The following FNDC3B variants were observed in gnomAD, a reference collection of about 807,000 sequenced individuals.
FNDC3B encodes the protein fibronectin type III domain-containing protein 3B.
In FNDC3B, 12 loss-of-function variants were observed where a neutral mutation model predicts 151.5. That is an observed-to-expected ratio of 0.08 (90% CI 0.05 to 0.13). FNDC3B has a LOEUF of 0.13. Ranked by LOEUF, FNDC3B falls within the 10% of genes least tolerant of loss-of-function variation. FNDC3B has a pLI of 1.00. For missense variants in FNDC3B, 1,214 were observed against 1,505.3 expected (o/e 0.81, Z 3.20); for synonymous variants, 528 against 549.0 (o/e 0.96, Z 0.54).
At chr3:172,238,620 A>G (rs1727291716) in intron 4 of FNDC3B, among the ~76,000 whole-genome samples, 2 of 152,094 alleles carry the variant, frequency 1.3e-5, no homozygotes, top group Non-Finnish European at 2.9e-5. Context: ...CACAAGGGGG[A>G]TTGGCTAGGG....
chr3:172,115,721 C>T (rs1399183582), intron 2 of FNDC3B, among the ~76,000 whole-genome samples: 1 of 152,150 alleles, frequency 6.6e-6, no homozygotes, highest in Non-Finnish European at 1.5e-5. Flanking sequence ...GTATGTGGCA[C>T]CTCAGCCACC....
chr3:172,220,616 C>A (rs972569207), intron 3 of FNDC3B, among the ~76,000 whole-genome samples: 17 of 152,006 alleles, frequency 1.1e-4, no homozygotes, highest in African/African-American at 3.9e-4. Flanking sequence ...CTTCTGTTTT[C>A]TTCTAAGAGT....
At chr3:172,134,256 T>C in intron 3 of FNDC3B, 1 of 462,854 alleles carries the variant, frequency 2.2e-6, no homozygotes, top group South Asian at 1.5e-5. Context: ...TAATGCCTCT[T>C]CTGTATAGTT....
At chr3:172,293,235 A>G (rs1730432171) in intron 7 of FNDC3B, among the ~76,000 whole-genome samples, 1 of 152,108 alleles carries the variant, frequency 6.6e-6, no homozygotes, top group Non-Finnish European at 1.5e-5. Flanking sequence ...AGGAAGTAGG[A>G]GAGTTAAAAG....
intron 3 of FNDC3B, among the ~76,000 whole-genome samples, chr3:172,198,046 A>T (rs1021304534): frequency 6.6e-6 from 1 of 152,240 alleles, no homozygotes; most frequent in Admixed American, 6.5e-5. Context: ...TCAATGGGTT[A>T]TATATAATAC....
At chr3:172,214,495 C>T (rs866523992) in intron 3 of FNDC3B, among the ~76,000 whole-genome samples, 2 of 151,944 alleles carry the variant, frequency 1.3e-5, no homozygotes, top group Non-Finnish European at 2.9e-5. Context: ...GAGTGAGCAG[C>T]CTTCTAGATT....
intron 7 of FNDC3B, among the ~76,000 whole-genome samples, chr3:172,289,439 G>A (rs1338249649): frequency 6.6e-6 from 1 of 151,966 alleles, no homozygotes; most frequent in African/African-American, 2.4e-5. Context: ...AGGTTCCAAG[G>A]ACTAGGATGT....
At chr3:172,095,105 A>G (rs1335298446) in intron 1 of FNDC3B, among the ~76,000 whole-genome samples, 1 of 152,172 alleles carries the variant, frequency 6.6e-6, no homozygotes, top group Non-Finnish European at 1.5e-5. Flanking sequence ...ACTCAGACAC[A>G]GTTCTGTCTA....
chr3:172,305,815 A>G (rs758229795), intron 9 of FNDC3B, among the ~76,000 whole-genome samples: 19 of 152,198 alleles, frequency 1.2e-4, no homozygotes, highest in Admixed American at 1.0e-3. Context: ...TGATTCATTT[A>G]AAGTAACTTA....
chr3:172,164,955 G>A (rs548603518), intron 3 of FNDC3B, among the ~76,000 whole-genome samples: 7 of 152,244 alleles, frequency 4.6e-5, no homozygotes, highest in Admixed American at 1.3e-4. Context: ...TTAGCAACAC[G>A]TGCTCACCTT....
rs770927068 is a variant in FNDC3B, at chr3:172,112,439, G to C, written c.-28-13G>C. On this transcript the variant is annotated splice_polypyrimidine_tract_variant and intron_variant, in intron 1 of 25. Coordinates refer to ENST00000415807, the MANE Select transcript of FNDC3B (RefSeq NM_022763.4). Reference sequence around the variant, plus strand: ...TTCTGAGTCCTTTTTAAAAAGCGGCGGTTCTCTTGCAGGAAGCCAGTTGAG... The same window carrying C: ...TTCTGAGTCCTTTTTAAAAAGCGGCCGTTCTCTTGCAGGAAGCCAGTTGAG... 13 of 1,405,868 alleles carry C rather than the reference G, an allele frequency of 9.2e-6. No individual in the cohort carries two copies. Among genetic ancestry groups the C allele is most frequent in the Non-Finnish European group, 1.2e-5 (12 of 990,116 alleles). The allele number at this position is 1,405,868 out of a possible 1,614,324, so 87.1% of individuals were successfully genotyped here. A position where few individuals can be genotyped will look rare whatever the true frequency, so the allele number is the denominator to read the frequency against.
intron 1 of FNDC3B, among the ~76,000 whole-genome samples, chr3:172,064,413 TA>T (rs1416249848): frequency 2.0e-5 from 3 of 152,256 alleles, no homozygotes; most frequent in Non-Finnish European, 4.4e-5. Context: ...TATTTTTATT[TA>T]TAATCTATCT....
chr3:172,289,818 C>T (rs556900716), intron 7 of FNDC3B, among the ~76,000 whole-genome samples: 1 of 152,328 alleles, frequency 6.6e-6, no homozygotes, highest in South Asian at 2.1e-4. Flanking sequence ...CAATCTGGCA[C>T]TCTGGGTTGG....
In FNDC3B at chr3:172,337,326, C is replaced by G. The variant is rs1322245440; in HGVS notation, c.1781-4C>G. 1 of 1,592,298 alleles carries G rather than the reference C, an allele frequency of 6.3e-7. No homozygotes were observed. The highest frequency in any genetic ancestry group is 1.3e-5 in the African/African-American group (1 of 74,186). On this transcript the variant is annotated splice_polypyrimidine_tract_variant and splice_region_variant and intron_variant, in intron 15 of 25. Transcript: ENST00000415807. Reference sequence around the variant, plus strand: ...TGCTAATAAGACATTTGGTTATTTTCCAGATCCCCCTAAGGACAATGGTGG... The same window carrying G: ...TGCTAATAAGACATTTGGTTATTTTGCAGATCCCCCTAAGGACAATGGTGG...
rs141142223 is a variant in FNDC3B, at chr3:172,207,559, G to C, written c.188-19312G>C. 4.0e-3 allele frequency among the ~76,000 whole-genome samples: 616 copies of C among 152,278 alleles called. 3 individuals are homozygous for C. The highest frequency in any genetic ancestry group is 0.014 in the African/African-American group (583 of 41,548). On this transcript the variant is annotated intron_variant, in intron 3 of 25. Coordinates refer to ENST00000415807, the MANE Select transcript of FNDC3B (RefSeq NM_022763.4). Reference sequence around the variant, plus strand: ...GCTGAGGTTTTATTGAGGTTTACCTGGGCTCAGGAGGGAGGACAGGTGTGC... The same window carrying C: ...GCTGAGGTTTTATTGAGGTTTACCTCGGCTCAGGAGGGAGGACAGGTGTGC...
rs570786464 is a variant in FNDC3B at position 172,374,626 on chromosome 3, C to A, written c.3009-3644C>A. 2.2e-4 allele frequency among the ~76,000 whole-genome samples: 33 copies of A among 152,254 alleles called. No individual in the cohort carries two copies. In the East Asian group the frequency reaches 6.0e-3, roughly 28 times the overall value. On this transcript the variant is annotated intron_variant, in intron 23 of 25. Coordinates refer to ENST00000415807, the MANE Select transcript of FNDC3B (RefSeq NM_022763.4). ...GCCAGGCTGGTCTCGAAATCCTGAC[C>A]TTGTGATCCGCCCGCCTCGGCCTCC...
intron 22 of FNDC3B, among the ~76,000 whole-genome samples, chr3:172,355,502 T>G (rs1211087146): frequency 7.3e-6 from 1 of 137,224 alleles, no homozygotes; most frequent in Non-Finnish European, 1.6e-5. Flanking sequence ...CAAACCTACT[T>G]AATTAGAAAA....
At chr3:172,186,568 G>T (rs1269481945) in intron 3 of FNDC3B, 20 of 594,790 alleles carry the variant, frequency 3.4e-5, no homozygotes, top group Non-Finnish European at 5.6e-5. Flanking sequence ...CTGGTTTCTA[G>T]TGTCTTGGCA....
intron 3 of FNDC3B, among the ~76,000 whole-genome samples, chr3:172,207,108 T>G (rs1427899915): frequency 1.3e-5 from 2 of 151,198 alleles, no homozygotes; most frequent in African/African-American, 2.4e-5. Context: ...GTCCCAACTT[T>G]CTGAATGACA....
Sources: allele counts gnomAD v4.1 joint callset (sites outside exome capture counted in the v4.1 genomes callset), GRCh38; gene constraint gnomAD v4.1.1; transcripts MANE v1.5; gene names NCBI Gene and HGNC (gene_info 2026-07-23, HGNC 2026-07-21).